Variants in SLC9A7 observed in about 807,000 individuals in gnomAD.
SLC9A7 encodes the protein solute carrier family 9 member A7, also known as sodium/hydrogen exchanger 7.
A neutral mutation model predicts 52.6 loss-of-function variants in SLC9A7; 19 were observed. The observed-to-expected ratio is 0.36, with a 90% CI of 0.25 to 0.53. The LOEUF (loss-of-function observed/expected upper bound fraction) is 0.53, where lower values mean the gene tolerates loss of function less well. SLC9A7 is among the 20% of genes least tolerant of loss of function. The probability of loss-of-function intolerance (pLI) is 0.91; values close to 1 mark genes in which losing one functional copy is unlikely to be tolerated. For synonymous variants in SLC9A7, 226 were observed against 252.1 expected (o/e 0.90, Z 0.98); for missense variants, 455 against 597.9 (o/e 0.76, Z 2.49).
intron 1 of SLC9A7, among the ~76,000 whole-genome samples, chrX:46,717,897 C>A (rs1210577463): frequency 4.5e-5 from 5 of 111,155 alleles, no homozygotes; most frequent in Non-Finnish European, 9.4e-5. Context: ...TTCAATGCCA[C>A]CCCCAATCAA....
At chrX:46,634,510 C>T (rs1422302619) in intron 13 of SLC9A7, among the ~76,000 whole-genome samples, 1 of 110,881 alleles carries the variant, frequency 9.0e-6, no homozygotes, top group Non-Finnish European at 1.9e-5. Flanking sequence ...ATATGAGACA[C>T]ACATCTTCAT....
At chrX:46,636,743 G>C (rs1156678795) in intron 12 of SLC9A7, among the ~76,000 whole-genome samples, 1 of 111,513 alleles carries the variant, frequency 9.0e-6, no homozygotes, top group African/African-American at 3.3e-5. Context: ...AATTTCACTG[G>C]GGGAGGTAAC....
chrX:46,669,055 C>G (rs1233276656), intron 5 of SLC9A7, among the ~76,000 whole-genome samples: 1 of 108,132 alleles, frequency 9.2e-6, no homozygotes, highest in Non-Finnish European at 1.9e-5. Context: ...GTAGTCCCAG[C>G]TACTCAGGAC....
intron 5 of SLC9A7, among the ~76,000 whole-genome samples, chrX:46,665,557 C>CAAAAAAAA (rs754854403): frequency 9.2e-5 from 2 of 21,758 alleles, no homozygotes; most frequent in Non-Finnish European, 1.9e-4. Flanking sequence ...GACTCCATCT[C>CAAAAAAAA]AAAAAAAAAA....
At chrX:46,723,292 T>C (rs1228849913) in intron 1 of SLC9A7, among the ~76,000 whole-genome samples, 3 of 84,033 alleles carry the variant, frequency 3.6e-5, no homozygotes, top group African/African-American at 1.4e-4. Flanking sequence ...GGCAATAAGA[T>C]TTCTACAAAA....
chrX:46,739,768 CTA>C (rs1417885553), intron 1 of SLC9A7, among the ~76,000 whole-genome samples: 1 of 111,757 alleles, frequency 8.9e-6, no homozygotes, highest in Non-Finnish European at 1.9e-5. Flanking sequence ...ACTTCATCTG[CTA>C]TAACAGACCT....
At chrX:46,729,100 G>A (rs1239770105) in intron 1 of SLC9A7, among the ~76,000 whole-genome samples, 1 of 112,083 alleles carries the variant, frequency 8.9e-6, no homozygotes, top group East Asian at 2.8e-4. Context: ...ATATTTAAAA[G>A]AAATGAATTT....
intron 1 of SLC9A7, among the ~76,000 whole-genome samples, chrX:46,697,789 G>A (rs1160173252): frequency 1.8e-5 from 2 of 112,143 alleles, no homozygotes; most frequent in Admixed American, 9.5e-5. Flanking sequence ...CTGACCTCCC[G>A]TGAGCCCGGA....
chrX:46,740,513 T>C (rs1921267126), intron 1 of SLC9A7, among the ~76,000 whole-genome samples: 1 of 111,955 alleles, frequency 8.9e-6, no homozygotes, highest in Non-Finnish European at 1.9e-5. Flanking sequence ...ACAAATTCAA[T>C]TTATTTGCAG....
intron 14 of SLC9A7, among the ~76,000 whole-genome samples, chrX:46,630,024 G>C (rs1247029222): frequency 1.8e-5 from 2 of 111,819 alleles, no homozygotes; most frequent in Non-Finnish European, 3.8e-5. Flanking sequence ...TCATTAAAGT[G>C]GGTGCCAAAT....
chrX:46,664,209 C>T (rs780602160), intron 5 of SLC9A7, among the ~76,000 whole-genome samples: 131 of 110,987 alleles, frequency 1.2e-3, no homozygotes, highest in African/African-American at 3.9e-3. Context: ...TCCCAGCTTC[C>T]CTTGCAGAAA....
chrX:46,643,112 C>A, intron 12 of SLC9A7, 124 bp downstream of exon 12: 1 of 625,525 alleles, frequency 1.6e-6, no homozygotes. Flanking sequence ...TCCCCCCTCA[C>A]AAACAAAACC....
At chrX:46,710,708 T>C (rs1944674629) in intron 1 of SLC9A7, among the ~76,000 whole-genome samples, 1 of 111,865 alleles carries the variant, frequency 8.9e-6, no homozygotes, top group Non-Finnish European at 1.9e-5. Flanking sequence ...AAGGAAAGGA[T>C]ACAGTGGCTG....
intron 14 of SLC9A7, among the ~76,000 whole-genome samples, chrX:46,625,703 GTCTC>G (rs749845492): frequency 1.4e-4 from 12 of 84,841 alleles, no homozygotes; most frequent in Non-Finnish European, 2.5e-4. Context: ...GAGCAAGACT[GTCTC>G]TCTCTCAAAA....
intron 11 of SLC9A7, among the ~76,000 whole-genome samples, chrX:46,643,790 G>C (rs1406675429): frequency 8.9e-6 from 1 of 112,184 alleles, no homozygotes; most frequent in African/African-American, 3.2e-5. Context: ...TGTCAAATTT[G>C]TGGAAAACAG....
intron 14 of SLC9A7, among the ~76,000 whole-genome samples, chrX:46,631,031 T>C (rs1304376758): frequency 9.8e-5 from 11 of 112,019 alleles, no homozygotes; most frequent in Non-Finnish European, 2.1e-4. Context: ...GCCAGACATA[T>C]GAGTAAATGA....
intron 3 of SLC9A7, among the ~76,000 whole-genome samples, chrX:46,673,792 C>T (rs967344905): frequency 6.3e-5 from 7 of 111,143 alleles, no homozygotes; most frequent in Non-Finnish European, 1.3e-4. Context: ...AGTGCTTGCC[C>T]CTATCTGAGT....
At chrX:46,614,548 T>C (rs1942912676) in intron 15 of SLC9A7, among the ~76,000 whole-genome samples, 1 of 111,741 alleles carries the variant, frequency 8.9e-6, no homozygotes, top group Admixed American at 9.5e-5. Context: ...CTCTCCAAGT[T>C]GTGACAATAA....
intron 1 of SLC9A7, among the ~76,000 whole-genome samples, chrX:46,683,616 A>T (rs1047217633): frequency 2.7e-5 from 3 of 111,727 alleles, no homozygotes; most frequent in Non-Finnish European, 3.8e-5. Flanking sequence ...TAAGCATTCA[A>T]TTCTGTGAAT....
Sources: gnomAD v4.1 joint callset for allele counts (sites outside exome capture counted in the v4.1 genomes callset) on GRCh38, gnomAD v4.1.1 for gene constraint, MANE v1.5 for transcripts, NCBI Gene and HGNC (gene_info 2026-07-23, HGNC 2026-07-21) for gene names.